DHRS12: variants seen among roughly 807,000 people sequenced by gnomAD.
DHRS12 encodes dehydrogenase/reductase SDR family member 12.
A neutral mutation model predicts 32.1 loss-of-function variants in DHRS12; 29 were observed. The observed-to-expected ratio is 0.90, with a 90% CI of 0.67 to 1.23. The LOEUF (loss-of-function observed/expected upper bound fraction) is 1.23, where lower values mean the gene tolerates loss of function less well. Among genes scored for constraint, DHRS12 ranks in the 50% most tolerant of loss-of-function variants. The pLI is 0.00. For synonymous variants in DHRS12, 150 were observed against 135.9 expected (o/e 1.10, Z -0.72); for missense variants, 330 against 337.2 (o/e 0.98, Z 0.17).
chr13:51,786,686 ATGGG>A (rs1440662485), intron 4 of DHRS12, among the ~76,000 whole-genome samples: 1 of 152,208 alleles, frequency 6.6e-6, no homozygotes, highest in African/African-American at 2.4e-5. Flanking sequence ...GTGTGTAGGC[ATGGG>A]TGCTGAAGGC....
intron 4 of DHRS12, chr13:51,789,776 A>AG (rs1201877558): frequency 2.1e-5 from 21 of 985,458 alleles, no homozygotes; most frequent in Non-Finnish European, 2.4e-5. Flanking sequence ...AGCGCTTCCT[A>AG]GGAAAAAAAA....
At chr13:51,771,466 C>T in intron 7 of DHRS12, 2 of 1,614,212 alleles carry the variant, frequency 1.2e-6, no homozygotes, top group Non-Finnish European at 1.7e-6. Flanking sequence ...GCCTCTCCCA[C>T]TACCTTCCTC....
At chr13:51,790,273 T>C (rs1955206648) in intron 3 of DHRS12, among the ~76,000 whole-genome samples, 181 bp from the exon 4 acceptor site, 2 of 152,174 alleles carry the variant, frequency 1.3e-5, no homozygotes, top group African/African-American at 4.8e-5. Flanking sequence ...GTGCAGAGGA[T>C]TCAGCCACAG....
intron 2 of DHRS12, among the ~76,000 whole-genome samples, chr13:51,791,684 T>C (rs1054150104): frequency 6.6e-6 from 1 of 152,210 alleles, no homozygotes; most frequent in African/African-American, 2.4e-5. Flanking sequence ...GGTACAATGT[T>C]GTACAGTGCA....
chr13:51,786,995 A>T (rs540737920), intron 4 of DHRS12, among the ~76,000 whole-genome samples: 1 of 152,198 alleles, frequency 6.6e-6, no homozygotes, highest in Non-Finnish European at 1.5e-5. Context: ...GAAGAATGAC[A>T]GCACTTTAAC....
intron 8 of DHRS12, chr13:51,768,781 C>G: frequency 2.5e-6 from 3 of 1,193,242 alleles, no homozygotes; most frequent in African/African-American, 3.2e-5. Flanking sequence ...GAAGCAGAGT[C>G]CCTTACACCC....
In DHRS12 at chr13:51,782,621, G is replaced by A. The variant is rs71436262; in HGVS notation, c.302-5500C>T. 1.3e-5 allele frequency among the ~76,000 whole-genome samples: 2 copies of A among 152,186 alleles called. No homozygotes were observed. The highest frequency in any genetic ancestry group is 1.9e-4 in the East Asian group (1 of 5,194). ...CGGGGACCATGAGAGGCTGGTGGAG[G>A]AAGTGCTGTGCAGGCTTTTCTCCAG... On this transcript the variant is annotated intron_variant, in intron 4 of 8. Transcript: ENST00000444610. This position sits in a 1 kb window ranked among gnomAD's most constrained non-coding sequence, Gnocchi z 4.2.
At chr13:51,789,876 C>T in intron 4 of DHRS12, 135 bp downstream of exon 4, 2 of 1,335,020 alleles carry the variant, frequency 1.5e-6, no homozygotes, top group Non-Finnish European at 1.9e-6. Flanking sequence ...AAGTACAATT[C>T]AGAATAAACT....
intron 4 of DHRS12, among the ~76,000 whole-genome samples, chr13:51,785,864 G>A (rs1231065004): frequency 1.3e-5 from 2 of 152,206 alleles, no homozygotes; most frequent in African/African-American, 4.8e-5. Flanking sequence ...TAGGAAGTGA[G>A]TCACAGACTG....
intron 7 of DHRS12, among the ~76,000 whole-genome samples, chr13:51,769,593 T>C (rs1436744773): frequency 6.6e-6 from 1 of 152,014 alleles, no homozygotes; most frequent in Non-Finnish European, 1.5e-5. Context: ...GAGCCCTCCC[T>C]TTCCATCCTA....
At chr13:51,794,614 G>T (rs1955429165) in intron 2 of DHRS12, among the ~76,000 whole-genome samples, 1 of 152,100 alleles carries the variant, frequency 6.6e-6, no homozygotes, top group Admixed American at 6.6e-5. Flanking sequence ...AGGCCTGCAG[G>T]ACTGAAAAAT....
chr13:51,771,198 G>T (rs745713743), intron 7 of DHRS12: 5 of 1,549,866 alleles, frequency 3.2e-6, no homozygotes, highest in Non-Finnish European at 4.4e-6. Flanking sequence ...TCTTGGCGCC[G>T]CGGGTGCACC....
downstream of DHRS12, chr13:51,763,774 GGCAGCAGA>G (rs2138816769): frequency 6.6e-6 from 1 of 152,306 alleles, no homozygotes; most frequent in South Asian, 2.1e-4. Context: ...GTCCAGCCTG[GGCAGCAGA>G]GCAAGGCCCT....
the DHRS12 span, chr13:51,760,023 T>C: frequency 2.5e-6 from 1 of 402,488 alleles, no homozygotes; most frequent in Admixed American, 4.0e-5. Context: ...CTGGCTGTGC[T>C]GCATTGTTTT....
chr13:51,789,921 CAAAA>C, intron 4 of DHRS12, 86 bp downstream of exon 4: 1 of 1,440,528 alleles, frequency 6.9e-7, no homozygotes, highest in Non-Finnish European at 9.1e-7. Flanking sequence ...GACCAAGAAC[CAAAA>C]AAGTTGGTCA....
At chr13:51,802,210 C>T (rs1955792407) in intron 1 of DHRS12, among the ~76,000 whole-genome samples, 1 of 102,074 alleles carries the variant, frequency 9.8e-6, no homozygotes, top group African/African-American at 4.2e-5. Context: ...CACACACACA[C>T]ACACACACGA....
chr13:51,771,432 C>T, intron 7 of DHRS12: 1 of 1,614,188 alleles, frequency 6.2e-7, no homozygotes, highest in Admixed American at 1.7e-5. Context: ...TTCCAAAAAC[C>T]TGGGGAGTGG....
chr13:51,796,112 T>A (rs1955502389), intron 2 of DHRS12, among the ~76,000 whole-genome samples: 1 of 152,164 alleles, frequency 6.6e-6, no homozygotes, highest in Admixed American at 6.5e-5. Flanking sequence ...TCAGGGAAGC[T>A]AAGAACTTTG....
intron 4 of DHRS12, among the ~76,000 whole-genome samples, chr13:51,784,148 A>G (rs1031877032): frequency 2.0e-5 from 3 of 152,214 alleles, no homozygotes; most frequent in Non-Finnish European, 4.4e-5. Context: ...TGCTCAGTGC[A>G]GCCAGTGTGA....
Sources: gnomAD v4.1 joint callset for allele counts (sites outside exome capture counted in the v4.1 genomes callset) on GRCh38, gnomAD v4.1.1 for gene constraint, Gnocchi (gnomAD v3.1) non-coding constraint, MANE v1.5 for transcripts, NCBI Gene and HGNC (gene_info 2026-07-23, HGNC 2026-07-21) for gene names.